CSMD3: variants seen among roughly 807,000 people sequenced by gnomAD.
The protein encoded by CSMD3 is CUB and sushi domain-containing protein 3.
Under a neutral mutation model 435.2 loss-of-function variants are expected in CSMD3, and 177 were observed. The observed-to-expected ratio is 0.41, with a 90% CI of 0.36 to 0.46. The LOEUF (loss-of-function observed/expected upper bound fraction) is 0.46, where lower values mean the gene tolerates loss of function less well. Ranked by LOEUF, CSMD3 falls within the 20% of genes least tolerant of loss-of-function variation. The pLI, the probability that CSMD3 is intolerant of heterozygous loss-of-function variation, is 0.34. For synonymous variants in CSMD3, 1,656 were observed against 1,520.5 expected (o/e 1.09, Z -2.07); for missense variants, 4,265 against 4,504.6 (o/e 0.95, Z 1.52).
intron 32 of CSMD3, among the ~76,000 whole-genome samples, chr8:112,439,683 G>A (rs1814771898): frequency 6.6e-6 from 1 of 152,072 alleles, no homozygotes; most frequent in African/African-American, 2.4e-5. Flanking sequence ...TACAATCATG[G>A]CAGGAGAAAG....
intron 23 of CSMD3, among the ~76,000 whole-genome samples, chr8:112,586,142 AT>A (rs1830708592): frequency 6.6e-6 from 1 of 151,572 alleles, no homozygotes; most frequent in African/African-American, 2.4e-5. Flanking sequence ...ATGAAATAAT[AT>A]TTTTTTAAAA....
At chr8:112,674,575 T>A (rs756512873) in intron 16 of CSMD3, among the ~76,000 whole-genome samples, 22 of 152,130 alleles carry the variant, frequency 1.4e-4, no homozygotes, top group Non-Finnish European at 2.6e-4. Context: ...TGGCCAAGCC[T>A]GAGTAATTTC....
intron 13 of CSMD3, among the ~76,000 whole-genome samples, chr8:112,774,972 A>G (rs2078209133): frequency 6.6e-6 from 1 of 151,952 alleles, no homozygotes; most frequent in Non-Finnish European, 1.5e-5. Flanking sequence ...TATGCTTCAG[A>G]AATAATAAGT....
chr8:113,157,766 T>A (rs1197395522), intron 4 of CSMD3, among the ~76,000 whole-genome samples: 1 of 152,102 alleles, frequency 6.6e-6, no homozygotes, highest in Non-Finnish European at 1.5e-5. Flanking sequence ...TCTCTCTGAA[T>A]ACATAACATC....
intron 50 of CSMD3, 117 bp from the exon 51 acceptor site, chr8:112,306,309 G>A: frequency 2.7e-6 from 2 of 747,948 alleles, no homozygotes; most frequent in South Asian, 1.5e-5. Context: ...CAATTCCTCT[G>A]AAACAATCTC....
chr8:113,093,839 A>G (rs1396810569), intron 5 of CSMD3, among the ~76,000 whole-genome samples: 3 of 152,144 alleles, frequency 2.0e-5, no homozygotes, highest in Non-Finnish European at 2.9e-5. Flanking sequence ...TTGCATTCTT[A>G]ATTTGAATAA....
At chr8:113,089,699 G>A (rs971547596) in intron 5 of CSMD3, among the ~76,000 whole-genome samples, 1 of 152,060 alleles carries the variant, frequency 6.6e-6, no homozygotes, top group Non-Finnish European at 1.5e-5. Flanking sequence ...GTCTTCACTT[G>A]TCTTCCTTTA....
At chr8:112,977,344 C>G (rs2084891893) in intron 6 of CSMD3, among the ~76,000 whole-genome samples, 1 of 151,852 alleles carries the variant, frequency 6.6e-6, no homozygotes, top group Admixed American at 6.6e-5. Context: ...CTTTTCTTCG[C>G]AACATTTCAA....
chr8:112,422,257 C>T (rs748701153), intron 32 of CSMD3, among the ~76,000 whole-genome samples: 27 of 152,048 alleles, frequency 1.8e-4, no homozygotes, highest in Middle Eastern at 3.2e-3. Flanking sequence ...TTTATAAATA[C>T]ATTCATCCTA....
At chr8:112,981,839 T>C (rs1587820730) in intron 6 of CSMD3, among the ~76,000 whole-genome samples, 2 of 151,810 alleles carry the variant, frequency 1.3e-5, no homozygotes, top group South Asian at 2.1e-4. Flanking sequence ...TCAAAACTTT[T>C]AGAAAGCCTT....
chr8:112,403,226 G>T (rs866228151), intron 35 of CSMD3, among the ~76,000 whole-genome samples: 1 of 152,060 alleles, frequency 6.6e-6, no homozygotes, highest in Non-Finnish European at 1.5e-5. Flanking sequence ...ATTAATTTAG[G>T]GTTCAAAGGT....
intron 13 of CSMD3, among the ~76,000 whole-genome samples, chr8:112,772,270 T>C (rs527546066): frequency 6.6e-6 from 1 of 152,202 alleles, no homozygotes; most frequent in South Asian, 2.1e-4. Flanking sequence ...AGAAAAATTC[T>C]TCTGCCTTGA....
At chr8:112,988,022 C>T (rs2085317935) in intron 6 of CSMD3, among the ~76,000 whole-genome samples, 1 of 151,950 alleles carries the variant, frequency 6.6e-6, no homozygotes, top group African/African-American at 2.4e-5. Context: ...TCTGTATTCT[C>T]ACATTTGGCT....
intron 13 of CSMD3, among the ~76,000 whole-genome samples, chr8:112,736,923 T>C (rs552195327): frequency 6.6e-6 from 1 of 152,132 alleles, no homozygotes; most frequent in South Asian, 2.1e-4. Context: ...TTCACAGAAA[T>C]AGCTGAGCCA....
intron 32 of CSMD3, among the ~76,000 whole-genome samples, chr8:112,441,282 C>G (rs985115385): frequency 1.1e-4 from 17 of 152,114 alleles, no homozygotes; most frequent in Non-Finnish European, 2.2e-4. Flanking sequence ...CATCTGAGAC[C>G]ACCGCAGCCT....
intron 5 of CSMD3, among the ~76,000 whole-genome samples, chr8:113,045,145 C>T (rs2087775882): frequency 6.7e-6 from 1 of 149,008 alleles, no homozygotes; most frequent in Non-Finnish European, 1.5e-5. Context: ...TCCATACACT[C>T]TTTAAATCTT....
chr8:113,290,706 A>G (rs1035922214), intron 2 of CSMD3, among the ~76,000 whole-genome samples: 7 of 151,744 alleles, frequency 4.6e-5, no homozygotes, highest in Non-Finnish European at 1.0e-4. Context: ...CATGGAACGT[A>G]CATGTGGTCA....
intron 33 of CSMD3, 93 bp from the exon 34 acceptor site, chr8:112,408,506 A>T (rs1832055296): frequency 2.4e-6 from 2 of 831,614 alleles, no homozygotes; most frequent in Admixed American, 1.7e-5. Context: ...TCATTTGAAA[A>T]TGTCAATCTA....
intron 13 of CSMD3, among the ~76,000 whole-genome samples, chr8:112,741,513 T>C (rs1301590073): frequency 1.3e-5 from 2 of 151,846 alleles, no homozygotes; most frequent in Non-Finnish European, 2.9e-5. Context: ...TACATTTTGA[T>C]AGAAATGTGA....
Sources: gnomAD v4.1 joint callset for allele counts (sites outside exome capture counted in the v4.1 genomes callset) on GRCh38, gnomAD v4.1.1 for gene constraint, MANE v1.5 for transcripts, NCBI Gene and HGNC (gene_info 2026-07-23, HGNC 2026-07-21) for gene names.